Variants in NCKAP5 observed in about 807,000 individuals in gnomAD.
NCKAP5 encodes NCK associated protein 5, also known as nck-associated protein 5.
A neutral mutation model predicts 167.0 loss-of-function variants in NCKAP5; 92 were observed. The observed-to-expected ratio is 0.55, with a 90% CI of 0.47 to 0.66. The LOEUF is 0.66. NCKAP5 is among the 30% of genes least tolerant of loss of function. The pLI is 0.00. For missense variants in NCKAP5, 2,378 were observed against 2,315.0 expected, an observed-to-expected ratio of 1.03 and a Z score of -0.56; for synonymous variants, 891 against 877.4, an observed-to-expected ratio of 1.02 and a Z score of -0.27.
chr2:133,552,030 C>A (rs1225880956), intron 2 of NCKAP5, among the ~76,000 whole-genome samples: 1 of 129,790 alleles, frequency 7.7e-6, no homozygotes, highest in South Asian at 2.7e-4. Flanking sequence ...AAATGCAAAT[C>A]AAAACCACAA....
intron 5 of NCKAP5, among the ~76,000 whole-genome samples, chr2:133,212,489 T>A (rs2086252372): frequency 6.6e-6 from 1 of 152,154 alleles, no homozygotes; most frequent in Non-Finnish European, 1.5e-5. Flanking sequence ...TGCCTCAGCT[T>A]CCTGAGTAGC....
chr2:133,566,139 A>C (rs1688541083), intron 1 of NCKAP5, among the ~76,000 whole-genome samples: 1 of 152,178 alleles, frequency 6.6e-6, no homozygotes, highest in Non-Finnish European at 1.5e-5. Flanking sequence ...GGTGTATGCG[A>C]TCTAGCTGAA....
chr2:132,910,164 G>A (rs538482949), intron 8 of NCKAP5, among the ~76,000 whole-genome samples: 2 of 152,110 alleles, frequency 1.3e-5, no homozygotes, highest in East Asian at 3.9e-4. Context: ...GGGTACATGA[G>A]ATGCTTTGAT....
At chr2:133,552,817 G>T (rs1422408031) in intron 2 of NCKAP5, among the ~76,000 whole-genome samples, 2 of 151,720 alleles carry the variant, frequency 1.3e-5, no homozygotes, top group African/African-American at 4.8e-5. Context: ...AAAGAAAGCA[G>T]ATGAACGAAC....
At chr2:133,492,144 A>AGAGTGTGTGTGTGTGT (rs1491355463) in intron 3 of NCKAP5, among the ~76,000 whole-genome samples, 1 of 141,562 alleles carries the variant, frequency 7.1e-6, no homozygotes, top group African/African-American at 2.7e-5. Flanking sequence ...ATATCTAGTT[A>AGAGTGTGTGTGTGTGT]GTGTGTGTGT....
chr2:133,134,638 C>T (rs1290670856), intron 5 of NCKAP5, among the ~76,000 whole-genome samples: 1 of 152,206 alleles, frequency 6.6e-6, no homozygotes, highest in African/African-American at 2.4e-5. Context: ...AAGAGAAAGA[C>T]AGGTATTTCC....
chr2:133,011,498 A>T (rs2078158877), intron 6 of NCKAP5, among the ~76,000 whole-genome samples: 1 of 152,202 alleles, frequency 6.6e-6, no homozygotes, highest in Non-Finnish European at 1.5e-5. Flanking sequence ...GTCCCCTAGG[A>T]CTTAATTATC....
intron 3 of NCKAP5, among the ~76,000 whole-genome samples, chr2:133,341,338 T>C (rs1196137151): frequency 6.6e-6 from 1 of 151,648 alleles, no homozygotes; most frequent in Non-Finnish European, 1.5e-5. Context: ...ATTCCCCTCA[T>C]TAACAAGAAC....
chr2:133,239,628 C>A (rs941499561), intron 4 of NCKAP5, among the ~76,000 whole-genome samples: 1 of 152,102 alleles, frequency 6.6e-6, no homozygotes, highest in Non-Finnish European at 1.5e-5. Flanking sequence ...ATTTTACAGC[C>A]CATTAACTGA....
intron 4 of NCKAP5, chr2:133,284,621 T>C (rs2090043478): frequency 6.6e-6 from 1 of 152,152 alleles, no homozygotes; most frequent in Admixed American, 6.5e-5. Context: ...GAATAGAAGA[T>C]GGACATTCAA....
At chr2:133,250,532 C>T (rs934352372) in intron 4 of NCKAP5, among the ~76,000 whole-genome samples, 3 of 152,238 alleles carry the variant, frequency 2.0e-5, no homozygotes, top group African/African-American at 7.2e-5. Flanking sequence ...GGCAGGGCCA[C>T]CTGCTTCTGA....
chr2:132,719,506 A>G (rs955621636), intron 19 of NCKAP5, among the ~76,000 whole-genome samples: 3 of 152,202 alleles, frequency 2.0e-5, no homozygotes, highest in Non-Finnish European at 2.9e-5. Context: ...TGGGTGATGG[A>G]CAACCCTCGA....
intron 19 of NCKAP5, among the ~76,000 whole-genome samples, chr2:132,710,252 A>G (rs1452902000): frequency 1.3e-5 from 2 of 152,172 alleles, no homozygotes; most frequent in Admixed American, 1.3e-4. Flanking sequence ...ATCTACCCCA[A>G]AACAAAACTA....
At chr2:132,803,263 AT>A (rs546166907) in intron 11 of NCKAP5, among the ~76,000 whole-genome samples, 13 of 152,150 alleles carry the variant, frequency 8.5e-5, no homozygotes, top group African/African-American at 2.9e-4. Flanking sequence ...TTTACAGCTA[AT>A]TTTTTAAGCC....
At chr2:133,647,775 G>GA in the NCKAP5 span, among the ~76,000 whole-genome samples, 9 of 133,020 alleles carry the variant, frequency 6.8e-5, no homozygotes, top group African/African-American at 1.7e-4. Flanking sequence ...AAAAAGAAAA[G>GA]AAAAAAAAGA....
intron 2 of NCKAP5, among the ~76,000 whole-genome samples, chr2:133,522,710 G>C (rs1408775071): frequency 1.3e-5 from 2 of 152,186 alleles, no homozygotes; most frequent in African/African-American, 4.8e-5. Context: ...ATTTACAAGA[G>C]TGAGGTTGCT....
chr2:133,383,707 C>T (rs1241014032), intron 3 of NCKAP5, among the ~76,000 whole-genome samples: 2 of 152,194 alleles, frequency 1.3e-5, no homozygotes, highest in Admixed American at 6.5e-5. Flanking sequence ...CCTATTTCTC[C>T]ACATCCTCTC....
At chr2:133,098,079 C>A (rs1230870488) in intron 6 of NCKAP5, among the ~76,000 whole-genome samples, 1 of 152,108 alleles carries the variant, frequency 6.6e-6, no homozygotes, top group Non-Finnish European at 1.5e-5. Flanking sequence ...AGCAAATATG[C>A]AGAAATAAAA....
At chr2:133,401,779 C>T (rs553240033) in intron 3 of NCKAP5, among the ~76,000 whole-genome samples, 3 of 152,334 alleles carry the variant, frequency 2.0e-5, no homozygotes, top group Admixed American at 1.3e-4. Context: ...CCTGGGCTCT[C>T]ATAATAACTT....
Sources: gnomAD v4.1 joint callset for allele counts (sites outside exome capture counted in the v4.1 genomes callset) on GRCh38, gnomAD v4.1.1 for gene constraint, MANE v1.5 for transcripts, NCBI Gene and HGNC (gene_info 2026-07-23, HGNC 2026-07-21) for gene names.